Variants in CDH6 observed in about 807,000 individuals in gnomAD.
The protein encoded by CDH6 is cadherin 6, also known as cadherin-6.
In CDH6, 31 loss-of-function variants were observed where a neutral mutation model predicts 78.0. The observed-to-expected ratio is 0.40, with a 90% confidence interval of 0.30 to 0.54. The LOEUF is 0.54. Among genes scored for constraint, CDH6 ranks in the 20% least tolerant of loss-of-function variants. CDH6 has a pLI of 0.56. For synonymous variants in CDH6, 376 were observed against 368.8 expected (o/e 1.02, Z -0.23); for missense variants, 724 against 975.9 (o/e 0.74, Z 3.44).
At chr5:31,319,724 A>G (rs1382897147) in intron 11 of CDH6, among the ~76,000 whole-genome samples, 1 of 152,212 alleles carries the variant, frequency 6.6e-6, no homozygotes, top group Admixed American at 6.5e-5. Context: ...GCAAAGCCAC[A>G]TTGATATAGG....
In CDH6 at chr5:31,328,356, T is replaced by C. The variant is rs1164112419; in HGVS notation, c.*5048T>C. 2 of 199,668 alleles carry C rather than the reference T, an allele frequency of 1.0e-5. No individual in the cohort carries two copies. Among genetic ancestry groups the C allele is most frequent in the Non-Finnish European group, 2.1e-5 (2 of 96,762 alleles). 12.4% of individuals were successfully genotyped at this position (199,668 alleles called of 1,614,324 possible). On this transcript the variant is annotated 3_prime_UTR_variant, in exon 12 of 12. Transcript: ENST00000265071. ...TTATGTAAATATGTCTGGAGGCACCTTCTCTAAGCTTTTAGTTTTCTATGA... is the reference window on the plus strand; with the variant it reads ...TTATGTAAATATGTCTGGAGGCACCCTCTCTAAGCTTTTAGTTTTCTATGA...
chr5:31,291,191 C>T (rs375786476), intron 2 of CDH6, among the ~76,000 whole-genome samples: 4 of 152,230 alleles, frequency 2.6e-5, no homozygotes, highest in African/African-American at 4.8e-5. Flanking sequence ...AATTGCCCCC[C>T]GCCGCCCAGT....
At chr5:31,203,614 A>G (rs1740432355) in intron 1 of CDH6, among the ~76,000 whole-genome samples, 1 of 150,246 alleles carries the variant, frequency 6.7e-6, no homozygotes, top group African/African-American at 2.5e-5. Flanking sequence ...TCCATGGTGT[A>G]TATGTGCCAC....
At chr5:31,306,885 G>A (rs754347640) in intron 7 of CDH6, among the ~76,000 whole-genome samples, 4 of 152,186 alleles carry the variant, frequency 2.6e-5, no homozygotes, top group Non-Finnish European at 5.9e-5. Flanking sequence ...AATGGGGTCA[G>A]ATTTGACATT....
chr5:31,306,603 T>C (rs192025728), intron 7 of CDH6, among the ~76,000 whole-genome samples: 2 of 152,236 alleles, frequency 1.3e-5, no homozygotes, highest in African/African-American at 2.4e-5. Context: ...ATTGTGTCAA[T>C]TACTCCCCAT....
At chr5:31,313,493 A>G in intron 8 of CDH6, 39 bp downstream of exon 8, 3 of 1,574,518 alleles carry the variant, frequency 1.9e-6, no homozygotes, top group African/African-American at 1.3e-5. Context: ...CCCTATTAAT[A>G]GACTGAGTGT....
chr5:31,323,054 C>T lies in CDH6; in HGVS notation c.2119C>T (p.Arg707Cys), dbSNP rs868021169. The change falls in exon 12 of 12, where the codon CGC becomes TGC. Residue 707 changes from arginine to cysteine, a missense_variant. Physicochemically the swap from Arg to Cys is radical, Grantham distance 180. Coordinates refer to ENST00000265071, the MANE Select transcript of CDH6 (RefSeq NM_004932.4). The stretch of plus-strand genomic sequence containing the variant: ...CCTACCCCGACGGACTCCAACAGCT[C>T]GCGACAACACCGATGTCAGAGATTT... ...LFLPRRTPTA[R>C]DNTDVRDFIN... 1 of 1,614,046 alleles carries T rather than the reference C, an allele frequency of 6.2e-7. No homozygotes were observed. Among genetic ancestry groups the T allele is most frequent in the Non-Finnish European group, 8.5e-7 (1 of 1,180,020 alleles).
rs1225569239 is a variant in CDH6, at chr5:31,302,952, AAAGAAGG to A, written c.999+657_999+663del. Reference sequence around the variant, plus strand: ...GAAAGAAAGAAAGAAAGAAAGAAAGAAAGAAGGAAAGAAAAGAAAGAAAGAAAGAAAG... The same window carrying A: ...GAAAGAAAGAAAGAAAGAAAGAAAGAAAAGAAAAGAAAGAAAGAAAGAAAG... On this transcript the variant is annotated intron_variant, in intron 6 of 11. Transcript: ENST00000265071. Among the ~76,000 whole-genome samples the A allele has an allele frequency of 3.9e-4, 51 of 132,138 alleles. 1 individual carries two copies. The highest frequency in any genetic ancestry group is 7.2e-4 in the Non-Finnish European group (42 of 58,664). The allele number at this position is 132,138 out of a possible 152,430, so 86.7% of individuals were successfully genotyped here.
chr5:31,282,404 T>C (rs542023934), intron 2 of CDH6, among the ~76,000 whole-genome samples: 16 of 152,034 alleles, frequency 1.1e-4, no homozygotes, highest in Non-Finnish European at 1.9e-4. Context: ...TCTCTTTCTC[T>C]CTTCCTCTCT....
At chr5:31,292,807 A>ATG (rs1415452256) in intron 2 of CDH6, among the ~76,000 whole-genome samples, 71 of 77,632 alleles carry the variant, frequency 9.1e-4, no homozygotes, top group African/African-American at 2.1e-3. Context: ...GTGTGTGCAT[A>ATG]TATATATATG....
chr5:31,266,021 C>T (rs944072279), intron 1 of CDH6, among the ~76,000 whole-genome samples: 4 of 151,864 alleles, frequency 2.6e-5, no homozygotes, highest in African/African-American at 7.3e-5. Flanking sequence ...CATGATCTGC[C>T]CACCTCGGCC....
intron 1 of CDH6, among the ~76,000 whole-genome samples, chr5:31,214,140 T>TAAAA (rs397809617): frequency 0.012 from 1,577 of 129,936 alleles, 69 homozygotes; most frequent in Admixed American, 0.075. Context: ...ATCTGTGCCT[T>TAAAA]AAAAAAAAAA....
At chr5:31,310,226 G>A (rs200195801) in intron 7 of CDH6, among the ~76,000 whole-genome samples, 8 of 31,272 alleles carry the variant, frequency 2.6e-4, no homozygotes, top group Non-Finnish European at 8.6e-4. Context: ...ATTGGCCACA[G>A]GCCCCATGCA....
At chr5:31,219,982 A>G (rs558432369) in intron 1 of CDH6, among the ~76,000 whole-genome samples, 2 of 152,326 alleles carry the variant, frequency 1.3e-5, no homozygotes, top group South Asian at 4.1e-4. Context: ...TAAGTCTTAA[A>G]TGGGGAAACT....
rs1159270845 is a variant in CDH6, at chr5:31,323,470, A to C, written c.*162A>C. On this transcript the variant is annotated 3_prime_UTR_variant, in exon 12 of 12. Coordinates refer to ENST00000265071, the MANE Select transcript of CDH6 (RefSeq NM_004932.4). ...AATGTTAGAGACTTTTTTCTAGTAC[A>C]CTTTTATGAGCTTCCAAGGGGCAAA... 2 of 798,430 alleles carry C rather than the reference A, an allele frequency of 2.5e-6. No homozygotes were observed. Among genetic ancestry groups the C allele is most frequent in the Admixed American group, 5.9e-5 (2 of 34,070 alleles). 49.5% of individuals were successfully genotyped at this position (798,430 alleles called of 1,614,324 possible). A position where few individuals can be genotyped will look rare whatever the true frequency, so the allele number is the denominator to read the frequency against.
intron 8 of CDH6, 27 bp from the exon 9 acceptor site, chr5:31,316,181 T>A: frequency 6.3e-7 from 1 of 1,587,838 alleles, no homozygotes; most frequent in Non-Finnish European, 8.5e-7. Flanking sequence ...TGTAAATGCC[T>A]TTTTCTTTCT....
chr5:31,255,812 A>G (rs950848382), intron 1 of CDH6, among the ~76,000 whole-genome samples: 5 of 152,244 alleles, frequency 3.3e-5, no homozygotes, highest in Admixed American at 2.0e-4. Flanking sequence ...GAAGCATCTG[A>G]TTTGCATTAT....
chr5:31,307,252 A>T (rs1025122562), intron 7 of CDH6, among the ~76,000 whole-genome samples: 3 of 152,196 alleles, frequency 2.0e-5, no homozygotes, highest in Admixed American at 2.0e-4. Flanking sequence ...TAAAAGGATA[A>T]CACTAGCTGC....
At chr5:31,199,594 C>CAT (rs1211991530) in intron 1 of CDH6, among the ~76,000 whole-genome samples, 3 of 145,066 alleles carry the variant, frequency 2.1e-5, no homozygotes, top group African/African-American at 7.6e-5. Context: ...TATACACACA[C>CAT]ATATATATAT....
Sources: allele counts gnomAD v4.1 joint callset (sites outside exome capture counted in the v4.1 genomes callset), GRCh38; gene constraint gnomAD v4.1.1; transcripts MANE v1.5; gene names NCBI Gene and HGNC (gene_info 2026-07-23, HGNC 2026-07-21).